Variants in BMPER observed in about 807,000 individuals in gnomAD.
BMPER encodes the protein BMP-binding endothelial regulator protein.
A neutral mutation model predicts 87.3 loss-of-function variants in BMPER; 45 were observed. That is an observed-to-expected ratio of 0.52 (90% CI 0.41 to 0.66). The LOEUF is 0.66. Ranked by LOEUF, BMPER falls within the 30% of genes least tolerant of loss-of-function variation. The pLI is 0.00. For missense variants in BMPER, 784 were observed against 867.5 expected (o/e 0.90, Z 1.21); for synonymous variants, 326 against 316.2 (o/e 1.03, Z -0.33).
At chr7:33,972,203 G>A (rs1045468347) in intron 5 of BMPER, among the ~76,000 whole-genome samples, 2 of 151,974 alleles carry the variant, frequency 1.3e-5, no homozygotes, top group Non-Finnish European at 2.9e-5. Flanking sequence ...ACGCCCGGCC[G>A]ACTATGGCTT....
chr7:34,031,424 C>T (rs1219477449), intron 6 of BMPER, among the ~76,000 whole-genome samples: 2 of 152,058 alleles, frequency 1.3e-5, no homozygotes, highest in Admixed American at 1.3e-4. Flanking sequence ...ATTGTGACAG[C>T]AGCTGTCATA....
At chr7:33,997,087 A>G (rs1235006458) in intron 6 of BMPER, among the ~76,000 whole-genome samples, 1 of 152,138 alleles carries the variant, frequency 6.6e-6, no homozygotes, top group Non-Finnish European at 1.5e-5. Flanking sequence ...ATCACATCCC[A>G]TGTTGATATT....
chr7:34,039,266 G>A (rs981561120), intron 6 of BMPER, among the ~76,000 whole-genome samples: 40 of 152,322 alleles, frequency 2.6e-4, no homozygotes, highest in African/African-American at 9.6e-4. Flanking sequence ...ATTTGGCAAA[G>A]CACAGTGCCT....
intron 13 of BMPER, among the ~76,000 whole-genome samples, chr7:34,087,558 T>A (rs1457534997): frequency 1.3e-5 from 2 of 152,064 alleles, no homozygotes; most frequent in Non-Finnish European, 2.9e-5. Flanking sequence ...CCTTGAAGAG[T>A]CGCCATCCAG....
intron 3 of BMPER, among the ~76,000 whole-genome samples, chr7:33,965,673 T>C (rs1028534721): frequency 3.3e-5 from 5 of 152,214 alleles, no homozygotes; most frequent in Admixed American, 6.5e-5. Context: ...GCCAAGTGTG[T>C]CTTCCTAGAT....
chr7:34,125,161 G>A (rs1790369619), intron 13 of BMPER, among the ~76,000 whole-genome samples: 1 of 152,048 alleles, frequency 6.6e-6, no homozygotes, highest in Non-Finnish European at 1.5e-5. Flanking sequence ...TAAGCCTGTG[G>A]TCTCTTCCCA....
chr7:34,038,202 C>A (rs1233664701), intron 6 of BMPER, among the ~76,000 whole-genome samples: 2 of 152,128 alleles, frequency 1.3e-5, no homozygotes, highest in African/African-American at 4.8e-5. Flanking sequence ...TTTGGGTGGG[C>A]TGCCCACTTA....
intron 13 of BMPER, among the ~76,000 whole-genome samples, chr7:34,125,188 T>TA (rs1255344406): frequency 6.6e-6 from 1 of 152,208 alleles, no homozygotes; most frequent in African/African-American, 2.4e-5. Flanking sequence ...TTCAACTACT[T>TA]ACGCCATATA....
intron 3 of BMPER, among the ~76,000 whole-genome samples, chr7:33,953,599 A>G (rs903795992): frequency 6.6e-6 from 1 of 152,158 alleles, no homozygotes; most frequent in Non-Finnish European, 1.5e-5. Context: ...ATAATCCCCA[A>G]TGAGTGAGGC....
chr7:33,979,681 G>A (rs1464627303), intron 6 of BMPER, among the ~76,000 whole-genome samples: 1 of 152,164 alleles, frequency 6.6e-6, no homozygotes, highest in African/African-American at 2.4e-5. Context: ...TGCCTTGGGG[G>A]CACACCCTAG....
chr7:34,147,462 C>T (rs773144203), intron 14 of BMPER, among the ~76,000 whole-genome samples: 8 of 152,048 alleles, frequency 5.3e-5, no homozygotes, highest in Middle Eastern at 3.4e-3. Context: ...TGGCAGATCC[C>T]TGTTTTTTTT....
rs1430219336 is a variant in BMPER, at chr7:34,046,316, C to T, written c.587C>T (p.Thr196Ile). 1.2e-6 allele frequency: 2 copies of T among 1,613,734 alleles called. No individual in the cohort carries two copies. The highest frequency in any genetic ancestry group is 2.2e-5 in the South Asian group (2 of 91,078). Residue 196 changes from threonine to isoleucine, a missense_variant, in exon 7 of 15, where the codon ACA becomes ATA. Coordinates refer to ENST00000649409, the MANE Select transcript of BMPER (RefSeq NM_001365308.1). ...CTKCSCTGGRTQCVREVCPIL... is the reference protein window; with the variant it reads ...CTKCSCTGGRIQCVREVCPIL... Reference sequence around the variant, plus strand: ...TCTCTCTTTTCTTAGGGAGGCAGGACACAATGTGTGAGAGAAGTCTGTCCC... The same window carrying T: ...TCTCTCTTTTCTTAGGGAGGCAGGATACAATGTGTGAGAGAAGTCTGTCCC...
At chr7:34,115,372 T>A (rs990935973) in intron 13 of BMPER, among the ~76,000 whole-genome samples, 3 of 152,236 alleles carry the variant, frequency 2.0e-5, no homozygotes, top group Admixed American at 1.3e-4. Flanking sequence ...ATTCACCCAT[T>A]GAAAATATAT....
chr7:34,095,818 T>G (rs1562740632), intron 13 of BMPER, among the ~76,000 whole-genome samples: 3 of 152,242 alleles, frequency 2.0e-5, no homozygotes, highest in Non-Finnish European at 2.9e-5. Flanking sequence ...ACATTGCATT[T>G]TATTTTATTC....
chr7:34,017,350 G>A (rs950252072), intron 6 of BMPER, among the ~76,000 whole-genome samples: 9 of 151,760 alleles, frequency 5.9e-5, no homozygotes, highest in South Asian at 2.1e-4. Context: ...TCATGGCTGC[G>A]GGGACCTCAC....
chr7:33,982,386 G>A (rs922119439), intron 6 of BMPER, among the ~76,000 whole-genome samples: 1 of 152,060 alleles, frequency 6.6e-6, no homozygotes, highest in Admixed American at 6.6e-5. Context: ...TCTAACTAGT[G>A]TGGGCCAAAA....
At chr7:34,062,730 A>G (rs1393879500) in intron 11 of BMPER, among the ~76,000 whole-genome samples, 1 of 152,346 alleles carries the variant, frequency 6.6e-6, no homozygotes, top group Non-Finnish European at 1.5e-5. Flanking sequence ...CTTCTAGGCT[A>G]CAAATTTGTA....
chr7:34,023,242 C>T (rs1023537201), intron 6 of BMPER, among the ~76,000 whole-genome samples: 1 of 152,002 alleles, frequency 6.6e-6, no homozygotes, highest in Admixed American at 6.6e-5. Flanking sequence ...TAAGGCTAGT[C>T]GTCATACATC....
At chr7:33,969,347 A>G (rs551122947) in intron 4 of BMPER, among the ~76,000 whole-genome samples, 45 of 152,348 alleles carry the variant, frequency 3.0e-4, no homozygotes, top group African/African-American at 1.0e-3. Context: ...TTCAATTGAC[A>G]TTAAGGTGAT....
Sources: gnomAD v4.1 joint callset for allele counts (sites outside exome capture counted in the v4.1 genomes callset) on GRCh38, gnomAD v4.1.1 for gene constraint, MANE v1.5 for transcripts, NCBI Gene and HGNC (gene_info 2026-07-23, HGNC 2026-07-21) for gene names.